The following RYR3 variants were observed in gnomAD, a reference collection of about 807,000 sequenced individuals.
RYR3 encodes the protein brain ryanodine receptor-calcium release channel.
Under a neutral mutation model 584.3 loss-of-function variants are expected in RYR3, and 207 were observed. The observed-to-expected ratio is 0.35, with a 90% CI of 0.32 to 0.40. RYR3 has a LOEUF of 0.40. RYR3 is among the 10% of genes least tolerant of loss of function. The pLI is 1.00. For missense variants in RYR3, 5,616 were observed against 6,089.2 expected, an observed-to-expected ratio of 0.92 and a Z score of 2.59; for synonymous variants, 2,416 against 2,248.5, an observed-to-expected ratio of 1.07 and a Z score of -2.11.
At chr15:33,743,526 G>A (rs1347602276) in intron 52 of RYR3, among the ~76,000 whole-genome samples, 2 of 152,098 alleles carry the variant, frequency 1.3e-5, no homozygotes, top group African/African-American at 4.8e-5. Flanking sequence ...TGGCTTAGGG[G>A]GCATAGCCAG....
intron 1 of RYR3, among the ~76,000 whole-genome samples, chr15:33,433,978 T>C (rs2045437046): frequency 1.3e-5 from 2 of 152,338 alleles, no homozygotes; most frequent in South Asian, 4.1e-4. Flanking sequence ...ACATTTTTCT[T>C]CAAGTGCAAC....
At position 33,816,194 on chromosome 15, in the gene RYR3, T is replaced by G. The variant is rs367872541; in HGVS notation, c.10503-668T>G. On this transcript the variant is annotated intron_variant, in intron 74 of 103. Coordinates refer to ENST00000634891, the MANE Select transcript of RYR3 (RefSeq NM_001036.6). ...TCACATTTTGTAAACACTTGGCTGC[T>G]TTTGCTTTGCAGTGGCTAATATTCC... Among the ~76,000 whole-genome samples, 15 of 152,324 alleles carry G rather than the reference T, an allele frequency of 9.8e-5. No homozygotes were observed. The South Asian group carries it at 2.9e-3, about 29-fold the overall frequency.
chr15:33,669,849 G>C (rs1296554038), intron 37 of RYR3, among the ~76,000 whole-genome samples: 1 of 50,286 alleles, frequency 2.0e-5, no homozygotes, highest in Non-Finnish European at 4.9e-5. Flanking sequence ...TGTGTGGGGG[G>C]GGGGGGGGGT....
chr15:33,560,839 T>C (rs1437840614), intron 10 of RYR3, among the ~76,000 whole-genome samples: 2 of 152,036 alleles, frequency 1.3e-5, no homozygotes, highest in African/African-American at 2.4e-5. Context: ...ATCAGAAATA[T>C]GTTTTTCTGG....
chr15:33,628,276 A>T (rs1212587115), intron 20 of RYR3, among the ~76,000 whole-genome samples, 195 bp from the exon 21 acceptor site: 1 of 152,180 alleles, frequency 6.6e-6, no homozygotes, highest in African/African-American at 2.4e-5. Context: ...GGTCAGAGAG[A>T]CAACAAGGAG....
At chr15:33,677,960 A>C (rs890046363) in intron 38 of RYR3, among the ~76,000 whole-genome samples, 1 of 152,094 alleles carries the variant, frequency 6.6e-6, no homozygotes, top group South Asian at 2.1e-4. Context: ...GACACCACCT[A>C]TTTATAGGAA....
intron 1 of RYR3, among the ~76,000 whole-genome samples, chr15:33,430,825 T>G (rs1337327841): frequency 6.6e-6 from 1 of 152,184 alleles, no homozygotes; most frequent in African/African-American, 2.4e-5. Context: ...AATTCAAGAT[T>G]TTCCTTTATT....
Position 33,819,762 on chromosome 15 carries a change from G to T in RYR3, c.10713G>T (p.Leu3571Phe), listed in dbSNP as rs2152956765. The change falls in exon 77 of 104, where the codon TTG becomes TTT. Residue 3571 changes from leucine to phenylalanine, a missense_variant. Coordinates refer to ENST00000634891, the MANE Select transcript of RYR3 (RefSeq NM_001036.6). ...SRNALTERSK[L>F]EDDPLYTSYS... ...TTTCCTCCATTCTTTCCAGCAAATTGGAAGACGACCCTTTGTACACCTCCT... is the reference window on the plus strand; with the variant it reads ...TTTCCTCCATTCTTTCCAGCAAATTTGAAGACGACCCTTTGTACACCTCCT... 6.5e-7 allele frequency: 1 copy of T among 1,528,296 alleles called. No homozygotes were observed. The highest frequency in any genetic ancestry group is 1.4e-5 in the South Asian group (1 of 71,474). The allele number at this position is 1,528,296 out of a possible 1,614,324, so 94.7% of individuals were successfully genotyped here.
Position 33,663,571 on chromosome 15 carries a change from A to T in RYR3, c.5453A>T (p.Glu1818Val), listed in dbSNP as rs1322867769. 1 of 1,613,874 alleles carries T rather than the reference A, an allele frequency of 6.2e-7. No individual in the cohort carries two copies. Among genetic ancestry groups the T allele is most frequent in the Admixed American group, 1.7e-5 (1 of 60,012 alleles). ...CELLSYLCDC[E>V]LQHRVEAIVA... ...CTCCTCAGCTATCTCTGCGACTGTG[A>T]GCTGCAGCACCGAGTGGAGGCCATT... The change falls in exon 36 of 104, where the codon GAG becomes GTG. Residue 1818 changes from glutamate to valine, a missense_variant. By Grantham distance (121) the Glu-to-Val change is moderately radical. This residue lies in a region of RYR3 where 1,280 missense variants were observed against 1,426.2 expected (regional missense o/e 0.90). Transcript: ENST00000634891.
chr15:33,786,053 A>G, intron 66 of RYR3, 71 bp downstream of exon 66: 2 of 1,279,530 alleles, frequency 1.6e-6, no homozygotes, highest in East Asian at 2.4e-5. Context: ...CATCTCTATT[A>G]TTAATTCCAA....
intron 6 of RYR3, among the ~76,000 whole-genome samples, chr15:33,539,905 G>A (rs2055668033): frequency 6.6e-6 from 1 of 152,138 alleles, no homozygotes; most frequent in African/African-American, 2.4e-5. Flanking sequence ...TGAACAGGAG[G>A]AAGAGAAGGA....
In RYR3 at chr15:33,628,366, C is replaced by T; in HGVS notation, c.2575-105C>T. Reference sequence around the variant, plus strand: ...GGCAGCATGAGGTCGGATACTGCAGCTCCTCCTGGGTGATGTGCCAATTCA... The same window carrying T: ...GGCAGCATGAGGTCGGATACTGCAGTTCCTCCTGGGTGATGTGCCAATTCA... On this transcript the variant is annotated intron_variant, in intron 20 of 103. Coordinates refer to ENST00000634891, the MANE Select transcript of RYR3 (RefSeq NM_001036.6). 3 of 718,860 alleles carry T rather than the reference C, an allele frequency of 4.2e-6. No individual in the cohort carries two copies. In the South Asian group the frequency reaches 5.2e-5, roughly 12 times the overall value. The allele number at this position is 718,860 out of a possible 1,614,324, so 44.5% of individuals were successfully genotyped here.
chr15:33,541,153 G>C (rs918132905), intron 7 of RYR3, among the ~76,000 whole-genome samples: 4 of 151,922 alleles, frequency 2.6e-5, no homozygotes, highest in African/African-American at 9.7e-5. Context: ...TTCAGGACTT[G>C]GATATGCACC....
chr15:33,591,993 T>A (rs1200784974), intron 16 of RYR3, among the ~76,000 whole-genome samples: 1 of 152,210 alleles, frequency 6.6e-6, no homozygotes, highest in African/African-American at 2.4e-5. Context: ...AATTCCCATA[T>A]AAGCTTGTGT....
At chr15:33,609,683 T>C (rs2060078007) in intron 18 of RYR3, among the ~76,000 whole-genome samples, 1 of 152,186 alleles carries the variant, frequency 6.6e-6, no homozygotes, top group Admixed American at 6.5e-5. Context: ...ACAGTGATAT[T>C]TTCCAGAAGT....
chr15:33,842,932 G>A (rs1390787275), intron 91 of RYR3, among the ~76,000 whole-genome samples: 1 of 152,174 alleles, frequency 6.6e-6, no homozygotes. Context: ...GCCAGAGCAG[G>A]ATTCTTTATA....
intron 1 of RYR3, among the ~76,000 whole-genome samples, chr15:33,337,056 C>CAA (rs71117134): frequency 0.088 from 4,291 of 48,962 alleles, 1,008 homozygotes; most frequent in Middle Eastern, 0.16. Flanking sequence ...GACTCCGTCT[C>CAA]AAAAAAAAAA....
At chr15:33,694,343 C>G in intron 38 of RYR3, among the ~76,000 whole-genome samples, 1 of 151,528 alleles carries the variant, frequency 6.6e-6, no homozygotes, top group Non-Finnish European at 1.5e-5. Context: ...CTCCCGGGTT[C>G]ACGCCATTCT....
chr15:33,864,393 A>G (rs920962292), intron 103 of RYR3, among the ~76,000 whole-genome samples: 1 of 152,342 alleles, frequency 6.6e-6, no homozygotes, highest in African/African-American at 2.4e-5. Context: ...CTAAATGCTT[A>G]TAGCTACTGC....
Sources: gnomAD v4.1 joint callset for allele counts (sites outside exome capture counted in the v4.1 genomes callset) on GRCh38, gnomAD v4.1.1 for gene constraint, gnomAD v4.1.1 regional missense constraint, MANE v1.5 for transcripts, NCBI Gene and HGNC (gene_info 2026-07-23, HGNC 2026-07-21) for gene names.